Variants in USO1 observed in about 807,000 individuals in gnomAD.
USO1 encodes general vesicular transport factor p115.
In USO1, 57 loss-of-function variants were observed where a neutral mutation model predicts 124.5. The observed-to-expected ratio is 0.46, with a 90% CI of 0.37 to 0.57. The LOEUF (loss-of-function observed/expected upper bound fraction) is 0.57, where lower values mean the gene tolerates loss of function less well. Among genes scored for constraint, USO1 ranks in the 20% least tolerant of loss-of-function variants. The probability of loss-of-function intolerance (pLI) is 0.00; values close to 1 mark genes in which losing one functional copy is unlikely to be tolerated. For missense variants in USO1, 900 were observed against 1,040.6 expected (o/e 0.86, Z 1.86); for synonymous variants, 369 against 362.8 (o/e 1.02, Z -0.19).
rs528957797 is a variant in USO1 at position 75,790,918 on chromosome 4, A to AC, written c.1240+121_1240+122insC. 329 of 1,234,636 alleles carry AC rather than the reference A, an allele frequency of 2.7e-4. 1 individual carries two copies. The African/African-American group carries it at 4.6e-3, about 17-fold the overall frequency. The allele number at this position is 1,234,636 out of a possible 1,614,324, so 76.5% of individuals were successfully genotyped here. On this transcript the variant is annotated intron_variant, in intron 12 of 23. Transcript: ENST00000514213. Reference sequence around the variant, plus strand: ...CTTTGCATGCTTAGGAGAGAAAAAAAAAAAACAAAAACACCTGAATTCTAA... The same window carrying AC: ...CTTTGCATGCTTAGGAGAGAAAAAAACAAAAACAAAAACACCTGAATTCTAA...
At chr4:75,784,493 A>AATT (rs1434696935) in intron 9 of USO1, among the ~76,000 whole-genome samples, 1 of 152,222 alleles carries the variant, frequency 6.6e-6, no homozygotes, top group East Asian at 1.9e-4. Flanking sequence ...CTATGTAAAG[A>AATT]ATTATTCTGA....
At chr4:75,790,903 T>C in intron 12 of USO1, 106 bp downstream of exon 12, 3 of 1,273,656 alleles carry the variant, frequency 2.4e-6, no homozygotes, top group Non-Finnish European at 3.0e-6. Flanking sequence ...CTTTGCATGC[T>C]TAGGAGAGAA....
chr4:75,774,109 A>G (rs576623802), intron 7 of USO1, among the ~76,000 whole-genome samples: 4 of 152,330 alleles, frequency 2.6e-5, no homozygotes, highest in Non-Finnish European at 5.9e-5. Flanking sequence ...GTCAGAGGCA[A>G]TGGCTGCTGT....
rs1577969151 is a variant in USO1 at position 75,797,891 on chromosome 4, C to T, written c.1453-1731C>T. On this transcript the variant is annotated intron_variant, in intron 13 of 23. Transcript: ENST00000514213. ...TCTGGACCTCAGGTGATCCAACGCA[C>T]CTCAGCCTCCCAAAGTGCTGGGATT... is the stretch of plus-strand genomic sequence containing the variant. Among the ~76,000 whole-genome samples, 7 of 152,258 alleles carry T rather than the reference C, an allele frequency of 4.6e-5. No individual in the cohort carries two copies. In the South Asian group the frequency reaches 1.5e-3, roughly 32 times the overall value.
rs79447973 is a variant in USO1 at position 75,805,106 on chromosome 4, C to T, written c.2126-34C>T. 2.7e-3 allele frequency: 4,065 copies of T among 1,514,196 alleles called. 93 individuals carry two copies. In the African/African-American group the frequency reaches 0.052, roughly 19 times the overall value. 93.8% of individuals were successfully genotyped at this position (1,514,196 alleles called of 1,614,324 possible). ...TCAAAAATGAAAAACTGAAGTTTCC[C>T]GTTGGCTTTTAAAATGTTATGTCTG... On this transcript the variant is annotated intron_variant, in intron 18 of 23. Transcript: ENST00000514213.
intron 21 of USO1, 25 bp from the exon 22 acceptor site, chr4:75,810,407 C>CT (rs763298232): frequency 3.2e-6 from 5 of 1,585,148 alleles, no homozygotes; most frequent in East Asian, 4.5e-5. Flanking sequence ...TAAGAGACAT[C>CT]TTTTTTTCCA....
chr4:75,786,526 C>T (rs1472885084), intron 9 of USO1, among the ~76,000 whole-genome samples: 1 of 152,130 alleles, frequency 6.6e-6, no homozygotes, highest in Non-Finnish European at 1.5e-5. Context: ...TCCAAGTAAT[C>T]ATAGAATCAT....
chr4:75,743,650 T>TC (rs1201994250), intron 1 of USO1, among the ~76,000 whole-genome samples: 1 of 152,236 alleles, frequency 6.6e-6, no homozygotes, highest in African/African-American at 2.4e-5. Context: ...GAACGGTGTT[T>TC]CCCAGACTGT....
intron 20 of USO1, 37 bp from the exon 21 acceptor site, chr4:75,808,916 C>A: frequency 6.5e-7 from 1 of 1,545,400 alleles, no homozygotes; most frequent in African/African-American, 1.4e-5. Flanking sequence ...AATTTAATAC[C>A]ATTTAATGTT....
chr4:75,754,351 G>C (rs1356983405), intron 3 of USO1, among the ~76,000 whole-genome samples: 1 of 151,826 alleles, frequency 6.6e-6, no homozygotes, highest in Admixed American at 6.6e-5. Flanking sequence ...CCAAAGTGCT[G>C]GGATTACAGG....
At chr4:75,772,306 G>T (rs191939326) in intron 7 of USO1, among the ~76,000 whole-genome samples, 2 of 151,796 alleles carry the variant, frequency 1.3e-5, no homozygotes, top group Non-Finnish European at 2.9e-5. Context: ...GCATGATCTC[G>T]GCTCACTGCA....
chr4:75,738,097 T>G (rs1720847678), intron 1 of USO1, among the ~76,000 whole-genome samples: 1 of 150,774 alleles, frequency 6.6e-6, no homozygotes, highest in South Asian at 2.1e-4. Context: ...CCTCCCAGAG[T>G]GCTGGGATTA....
chr4:75,813,261 G>A lies in USO1; in HGVS notation c.2855G>A (p.Ser952Asn). ...SGDQEDEDDE[S>N]EDPGKDLDHI ...GACCAAGAGGATGAGGATGATGAAAGTGAAGATCCTGGCAAGGATCTAGAT... is the reference window on the plus strand; with the variant it reads ...GACCAAGAGGATGAGGATGATGAAAATGAAGATCCTGGCAAGGATCTAGAT... Residue 952 changes from serine to asparagine, a missense_variant, in exon 24 of 24, where the codon AGT (serine) becomes AAT (asparagine). By Grantham distance (46) the Ser-to-Asn change is conservative. Around this residue, in one of 2 missense-constraint regions of USO1, gnomAD observed 362 missense variants for 359.0 expected, o/e 1.01. Coordinates refer to ENST00000514213, the MANE Select transcript of USO1 (RefSeq NM_003715.4). 1 of 1,611,348 alleles carries A rather than the reference G, an allele frequency of 6.2e-7. No individual in the cohort carries two copies. The highest frequency in any genetic ancestry group is 1.1e-5 in the South Asian group (1 of 90,484).
chr4:75,740,936 A>G (rs1192788656), intron 1 of USO1, among the ~76,000 whole-genome samples: 1 of 152,150 alleles, frequency 6.6e-6, no homozygotes, highest in Non-Finnish European at 1.5e-5. Flanking sequence ...GTATTTACCA[A>G]TATATATATT....
At chr4:75,762,047 C>T (rs1475247730) in intron 4 of USO1, among the ~76,000 whole-genome samples, 1 of 151,948 alleles carries the variant, frequency 6.6e-6, no homozygotes, top group Non-Finnish European at 1.5e-5. Flanking sequence ...CTTATGTAAT[C>T]CTCATAGCAG....
chr4:75,755,069 T>A (rs961762661), intron 3 of USO1, among the ~76,000 whole-genome samples: 3 of 152,202 alleles, frequency 2.0e-5, no homozygotes, highest in Non-Finnish European at 4.4e-5. Context: ...TTCCTCAACA[T>A]GTTTCTCTCT....
At chr4:75,810,716 T>G (rs970242820) in intron 22 of USO1, among the ~76,000 whole-genome samples, 177 bp downstream of exon 22, 2 of 152,124 alleles carry the variant, frequency 1.3e-5, no homozygotes, top group Admixed American at 1.3e-4. Context: ...AAATTTTTTT[T>G]GTTTTGGGTT....
At chr4:75,744,803 A>AAAGTAAAAG (rs1721074123) in intron 1 of USO1, 3 of 335,626 alleles carry the variant, frequency 8.9e-6, no homozygotes, top group Non-Finnish European at 1.8e-5. Context: ...TATAAAATGA[A>AAAGTAAAAG]AAGTAAAAGG....
chr4:75,730,097 A>G lies in USO1; in HGVS notation c.66+5212A>G, dbSNP rs143252040. 1,332 of 227,688 alleles carry G rather than the reference A, an allele frequency of 5.9e-3. 18 individuals are homozygous for G. The highest frequency in any genetic ancestry group is 0.027 in the African/African-American group (1,184 of 43,066). 14.1% of individuals were successfully genotyped at this position (227,688 alleles called of 1,614,324 possible). On this transcript the variant is annotated intron_variant, in intron 1 of 23. Transcript: ENST00000514213. ...CAATAACAATGTCGGAGAGAACTGT[A>G]ATAATGATTTGTGTTTTGGTCATTT...
Sources: gnomAD v4.1 joint callset for allele counts (sites outside exome capture counted in the v4.1 genomes callset) on GRCh38, gnomAD v4.1.1 for gene constraint, gnomAD v4.1.1 regional missense constraint, MANE v1.5 for transcripts, NCBI Gene and HGNC (gene_info 2026-07-23, HGNC 2026-07-21) for gene names.